CEP290: variants seen among roughly 807,000 people sequenced by gnomAD.
CEP290 encodes the protein centrosomal protein 290, also known as centrosomal protein of 290 kDa.
In CEP290, 317 loss-of-function variants were observed where a neutral mutation model predicts 344.9. The ratio of observed to expected loss-of-function variants is 0.92; its 90% CI spans 0.84 to 1.01. The LOEUF (loss-of-function observed/expected upper bound fraction) is 1.01. Ranked by LOEUF, CEP290 falls within the 50% of genes least tolerant of loss-of-function variation. The pLI is 0.00. For missense variants in CEP290, 2,754 were observed against 2,761.4 expected (o/e 1.00, Z 0.06); for synonymous variants, 932 against 895.8 (o/e 1.04, Z -0.72).
chr12:88,109,274 T>C (rs1187316612), intron 22 of CEP290, 93 bp from the exon 23 acceptor site: 4 of 545,226 alleles, frequency 7.3e-6, no homozygotes, highest in Middle Eastern at 9.8e-4. Flanking sequence ...GACAACATTA[T>C]AGGAAAGTTA....
chr12:88,106,544 A>C (rs566057573), intron 25 of CEP290, 131 bp downstream of exon 25: 6 of 604,694 alleles, frequency 9.9e-6, no homozygotes, highest in South Asian at 7.8e-5. Context: ...AAATCAGAAG[A>C]AGCAATTATG....
At chr12:88,138,356 T>A (rs2040455412) in intron 5 of CEP290, among the ~76,000 whole-genome samples, 1 of 152,156 alleles carries the variant, frequency 6.6e-6, no homozygotes, top group Admixed American at 6.5e-5. Context: ...ACTCCATAAT[T>A]CATTTAGTAT....
chr12:88,125,172 CATTTT>C (rs2039654084), intron 13 of CEP290, 69 bp downstream of exon 13: 8 of 482,056 alleles, frequency 1.7e-5, no homozygotes, highest in South Asian at 8.5e-5. Context: ...ATTGACTTGA[CATTTT>C]ATTTTAATAA....
intron 41 of CEP290, among the ~76,000 whole-genome samples, chr12:88,072,761 G>T (rs931481578): frequency 5.6e-4 from 85 of 152,140 alleles, no homozygotes; most frequent in African/African-American, 2.0e-3. Flanking sequence ...GAGGCAATAG[G>T]AATAGAACAA....
intron 47 of CEP290, 88 bp from the exon 48 acceptor site, chr12:88,060,108 T>C (rs2034353925): frequency 2.6e-6 from 3 of 1,166,416 alleles, no homozygotes; most frequent in Non-Finnish European, 1.2e-6. Flanking sequence ...ATCTTCAAAG[T>C]AGTTTTAGAA....
intron 47 of CEP290, 140 bp from the exon 48 acceptor site, chr12:88,060,160 A>T (rs2034356948): frequency 1.3e-6 from 1 of 763,332 alleles, no homozygotes; most frequent in Admixed American, 3.6e-5. Flanking sequence ...TCATTTGAAT[A>T]TTAGTGAGAA....
At chr12:88,122,497 T>A (rs1234812141) in intron 13 of CEP290, among the ~76,000 whole-genome samples, 1 of 152,172 alleles carries the variant, frequency 6.6e-6, no homozygotes, top group Admixed American at 6.6e-5. Flanking sequence ...TAACTAAACC[T>A]AATCCTAATC....
chr12:88,117,759 G>C (rs532183641), intron 17 of CEP290, among the ~76,000 whole-genome samples: 1 of 152,282 alleles, frequency 6.6e-6, no homozygotes, highest in African/African-American at 2.4e-5. Context: ...TTAAGGCCAG[G>C]CATGGTGGCT....
intron 11 of CEP290, among the ~76,000 whole-genome samples, chr12:88,127,882 G>C (rs142803006): frequency 6.6e-6 from 1 of 152,196 alleles, no homozygotes; most frequent in African/African-American, 2.4e-5. Flanking sequence ...AAAAAGAACA[G>C]CAATACTATA....
At chr12:88,071,206 T>C (rs533828965) in intron 43 of CEP290, 88 bp downstream of exon 43, 1 of 1,067,402 alleles carries the variant, frequency 9.4e-7, no homozygotes, top group African/African-American at 1.6e-5. Context: ...AACCCAAGCT[T>C]AAGACAACAC....
At chr12:88,131,448 A>T (rs1359571530) in intron 6 of CEP290, among the ~76,000 whole-genome samples, 1 of 151,976 alleles carries the variant, frequency 6.6e-6, no homozygotes, top group Non-Finnish European at 1.5e-5. Context: ...TTTTTAGTAG[A>T]GACGGGGTTT....
chr12:88,055,889 A>ATAAGGTATC (rs1372552419), intron 49 of CEP290, among the ~76,000 whole-genome samples, 172 bp from the exon 50 acceptor site: 1 of 152,194 alleles, frequency 6.6e-6, no homozygotes, highest in Non-Finnish European at 1.5e-5. Context: ...GTGGCAAGAG[A>ATAAGGTATC]TAAGGTATCC....
chr12:88,091,009 T>C (rs1023534163), intron 29 of CEP290, among the ~76,000 whole-genome samples, 170 bp from the exon 30 acceptor site: 9 of 152,156 alleles, frequency 5.9e-5, no homozygotes, highest in Non-Finnish European at 1.3e-4. Flanking sequence ...GAAACATAAT[T>C]CCATCAGAGG....
Position 88,130,190 on chromosome 12 carries a change from C to A in CEP290, c.669+78G>T, listed in dbSNP as rs1025648526. The A allele has an allele frequency of 1.7e-5, 22 of 1,331,524 alleles. No homozygotes were observed. The Admixed American group carries it at 1.7e-4, about 10-fold the overall frequency. 82.5% of individuals were successfully genotyped at this position (1,331,524 alleles called of 1,614,324 possible). ...TATACCAGGGAATTTACATGTAGGGCTAAATATTATATTTACATTGTAATG... is the reference window on the plus strand; with the variant it reads ...TATACCAGGGAATTTACATGTAGGGATAAATATTATATTTACATTGTAATG... On this transcript the variant is annotated intron_variant, in intron 9 of 53. Transcript: ENST00000552810.
chr12:88,088,661 T>C (rs2036777461), intron 31 of CEP290, among the ~76,000 whole-genome samples: 1 of 152,158 alleles, frequency 6.6e-6, no homozygotes, highest in African/African-American at 2.4e-5. Flanking sequence ...CATATAGGCA[T>C]ATATTAAGAA....
In CEP290 at chr12:88,062,864, A is replaced by G. The variant is rs570143586; in HGVS notation, c.6271-86T>C. 47 of 829,058 alleles carry G rather than the reference A, an allele frequency of 5.7e-5. No homozygotes were observed. In the East Asian group the frequency reaches 1.1e-3, roughly 20 times the overall value. The allele number at this position is 829,058 out of a possible 1,614,324, so 51.4% of individuals were successfully genotyped here. Reference sequence around the variant, plus strand: ...GGCAAACAATTCATAAGAACCATCAATCTCTTCAACTGTATTGCCAAACCA... The same window carrying G: ...GGCAAACAATTCATAAGAACCATCAGTCTCTTCAACTGTATTGCCAAACCA... On this transcript the variant is annotated intron_variant, in intron 45 of 53. Coordinates refer to ENST00000552810, the MANE Select transcript of CEP290 (RefSeq NM_025114.4).
chr12:88,117,052 A>T lies in CEP290; in HGVS notation c.1805T>A (p.Met602Lys). Residue 602 changes from methionine to lysine, a missense_variant, in exon 18 of 54, where the codon ATG becomes AAG. Met to Lys is a moderately conservative substitution (Grantham distance 95). Transcript: ENST00000552810. ...TATTACCTTTGATTGTGCTTCACTC[A>T]TATTTTTGAGGCTCAATAAATCCAA... ...RKLDLLSLKNMSEAQSKNEFL... is the reference protein window; with the variant it reads ...RKLDLLSLKNKSEAQSKNEFL... 6.6e-7 allele frequency: 1 copy of T among 1,507,686 alleles called. No homozygotes were observed. The highest frequency in any genetic ancestry group is 9.1e-7 in the Non-Finnish European group (1 of 1,103,116). The allele number at this position is 1,507,686 out of a possible 1,614,324, so 93.4% of individuals were successfully genotyped here.
chr12:88,056,282 A>C (rs2033995999), intron 49 of CEP290, among the ~76,000 whole-genome samples: 1 of 152,110 alleles, frequency 6.6e-6, no homozygotes, highest in Non-Finnish European at 1.5e-5. Flanking sequence ...GACTCCAGAA[A>C]AAAAAAATTC....
chr12:88,121,045 C>G lies in CEP290; in HGVS notation c.1311G>C (p.Lys437Asn). The G allele has an allele frequency of 6.2e-7, 1 of 1,613,320 alleles. No homozygotes were observed. Reference protein sequence around the residue: ...AELAEADAREKDKELVEALKR... With the variant: ...AELAEADARENDKELVEALKR... ...TCAGAGCCTCAACTAATTCTTTATC[C>G]TTTTCCCTAGCATCAGCCTCAGCCA... The change falls in exon 14 of 54, where the codon AAG becomes AAC. Residue 437 changes from lysine to asparagine, a missense_variant. By Grantham distance (94) the Lys-to-Asn change is moderately conservative. Coordinates refer to ENST00000552810, the MANE Select transcript of CEP290 (RefSeq NM_025114.4).
Sources: allele counts gnomAD v4.1 joint callset (sites outside exome capture counted in the v4.1 genomes callset), GRCh38; gene constraint gnomAD v4.1.1; transcripts MANE v1.5; gene names NCBI Gene and HGNC (gene_info 2026-07-23, HGNC 2026-07-21).